The following HOOK3 variants were observed in gnomAD, a reference collection of about 807,000 sequenced individuals.
The protein encoded by HOOK3 is hook microtubule tethering protein 3, also known as protein Hook homolog 3.
A neutral mutation model predicts 116.3 loss-of-function variants in HOOK3; 24 were observed. That is an observed-to-expected ratio of 0.21 (90% CI 0.15 to 0.29). HOOK3 has a LOEUF of 0.29. Ranked by LOEUF, HOOK3 falls within the 10% of genes least tolerant of loss-of-function variation. The probability of loss-of-function intolerance (pLI) is 1.00; values close to 1 mark genes in which losing one functional copy is unlikely to be tolerated. For missense variants in HOOK3, 632 were observed against 830.2 expected, an observed-to-expected ratio of 0.76 and a Z score of 2.93; for synonymous variants, 275 against 283.0, an observed-to-expected ratio of 0.97 and a Z score of 0.28.
chr8:42,932,378 G>A lies in HOOK3; in HGVS notation c.267+2206G>A, dbSNP rs150171234. On this transcript the variant is annotated intron_variant, in intron 4 of 21. Transcript: ENST00000307602. ...AAAGTAGTTTTTAATAAAGTATTACGATAAAAAAGAATAGAAAATGTATGG... is the reference window on the plus strand; with the variant it reads ...AAAGTAGTTTTTAATAAAGTATTACAATAAAAAAGAATAGAAAATGTATGG... 1.6e-3 allele frequency among the ~76,000 whole-genome samples: 243 copies of A among 152,000 alleles called. 1 individual carries two copies. Among genetic ancestry groups the A allele is most frequent in the African/African-American group, 5.7e-3 (236 of 41,448 alleles).
intron 5 of HOOK3, among the ~76,000 whole-genome samples, chr8:42,944,683 G>T (rs896790992): frequency 5.3e-5 from 8 of 151,928 alleles, no homozygotes; most frequent in African/African-American, 1.9e-4. Flanking sequence ...GCCGGGCGCG[G>T]TGGTGGGCGC....
At chr8:42,919,909 C>G (rs1379072966) in intron 2 of HOOK3, among the ~76,000 whole-genome samples, 2 of 151,060 alleles carry the variant, frequency 1.3e-5, no homozygotes, top group African/African-American at 2.4e-5. Flanking sequence ...CCAGCCTTGG[C>G]TCGGCATCAG....
intron 19 of HOOK3, among the ~76,000 whole-genome samples, chr8:43,011,059 C>A (rs1195288941): frequency 6.6e-6 from 1 of 151,816 alleles, no homozygotes; most frequent in Non-Finnish European, 1.5e-5. Flanking sequence ...GTGGCACGAT[C>A]TTGGCTCACT....
intron 2 of HOOK3, among the ~76,000 whole-genome samples, chr8:42,924,944 G>T (rs945493114): frequency 6.6e-6 from 1 of 151,718 alleles, no homozygotes; most frequent in Non-Finnish European, 1.5e-5. Flanking sequence ...TTGCACTCCA[G>T]CCTGCCTGAG....
chr8:42,909,071 A>T (rs903276876), intron 2 of HOOK3, among the ~76,000 whole-genome samples: 1 of 152,236 alleles, frequency 6.6e-6, no homozygotes, highest in African/African-American at 2.4e-5. Context: ...CTCATCACTG[A>T]TCACCAGGGA....
At chr8:42,967,338 G>A (rs11993667) in intron 10 of HOOK3, among the ~76,000 whole-genome samples, 7,178 of 152,048 alleles carry the variant, frequency 0.047, 340 homozygotes, top group African/African-American at 0.12. Flanking sequence ...GAAAGAGGCC[G>A]TGAACTGCTG....
chr8:42,950,860 T>C (rs1808325868), intron 6 of HOOK3, among the ~76,000 whole-genome samples: 1 of 152,018 alleles, frequency 6.6e-6, no homozygotes, highest in African/African-American at 2.4e-5. Context: ...TAATTTTTTG[T>C]ATTTTTAGTA....
intron 15 of HOOK3, among the ~76,000 whole-genome samples, chr8:42,993,235 A>G (rs1809201017): frequency 6.6e-6 from 1 of 152,180 alleles, no homozygotes; most frequent in Non-Finnish European, 1.5e-5. Flanking sequence ...GGATTTTTGC[A>G]TCAATATTCA....
At chr8:42,962,500 G>A (rs1008774827) in intron 8 of HOOK3, among the ~76,000 whole-genome samples, 1 of 149,196 alleles carries the variant, frequency 6.7e-6, no homozygotes, top group Non-Finnish European at 1.5e-5. Flanking sequence ...TCGACCTCTT[G>A]GACTCGAGTG....
chr8:42,965,333 G>A (rs1004111131), intron 9 of HOOK3, among the ~76,000 whole-genome samples: 1 of 152,002 alleles, frequency 6.6e-6, no homozygotes. Context: ...ATATACGTGT[G>A]TGTGTGTGTA....
At chr8:42,909,879 T>TA (rs759806590) in intron 2 of HOOK3, among the ~76,000 whole-genome samples, 1 of 152,200 alleles carries the variant, frequency 6.6e-6, no homozygotes, top group Non-Finnish European at 1.5e-5. Context: ...ATGTGGAATC[T>TA]AAAACAATTG....
intron 21 of HOOK3, 58 bp from the exon 22 acceptor site, chr8:43,018,300 T>C (rs1809759410): frequency 6.1e-6 from 9 of 1,479,284 alleles, no homozygotes; most frequent in Non-Finnish European, 8.2e-6. Context: ...AAATTTTCTT[T>C]TGTGAAGTAT....
intron 17 of HOOK3, among the ~76,000 whole-genome samples, chr8:43,003,972 A>G (rs1809424923): frequency 1.3e-5 from 2 of 152,192 alleles, no homozygotes; most frequent in Non-Finnish European, 1.5e-5. Flanking sequence ...ACATTCATAT[A>G]TCCTAGGAGT....
At chr8:42,929,826 T>G (rs746408557) in intron 3 of HOOK3, among the ~76,000 whole-genome samples, 7 of 152,158 alleles carry the variant, frequency 4.6e-5, no homozygotes, top group Non-Finnish European at 1.0e-4. Context: ...ACAGAAAACC[T>G]AAATAATTTA....
At chr8:42,900,290 C>T (rs1388236607) in intron 1 of HOOK3, among the ~76,000 whole-genome samples, 1 of 152,122 alleles carries the variant, frequency 6.6e-6, no homozygotes, top group Non-Finnish European at 1.5e-5. Flanking sequence ...ATTTGCCCTG[C>T]CAATTACACC....
chr8:42,925,689 A>ATT (rs34821062), intron 3 of HOOK3, 60 bp downstream of exon 3: 194 of 1,104,886 alleles, frequency 1.8e-4, no homozygotes, highest in South Asian at 4.3e-4. Context: ...ATATCTGTTG[A>ATT]TTTTTTTTTG....
chr8:42,921,209 A>C (rs1807651428), intron 2 of HOOK3, among the ~76,000 whole-genome samples: 1 of 152,022 alleles, frequency 6.6e-6, no homozygotes, highest in Non-Finnish European at 1.5e-5. Flanking sequence ...AGAAACACTA[A>C]ATCTTTCAGC....
At chr8:42,965,639 T>A (rs1281129249) in intron 9 of HOOK3, among the ~76,000 whole-genome samples, 1 of 152,246 alleles carries the variant, frequency 6.6e-6, no homozygotes, top group Non-Finnish European at 1.5e-5. Flanking sequence ...AGATTTCTAG[T>A]GTTAAAACAG....
At chr8:42,950,329 T>C in intron 5 of HOOK3, 59 bp from the exon 6 acceptor site, 7 of 1,114,870 alleles carry the variant, frequency 6.3e-6, no homozygotes, top group Non-Finnish European at 9.5e-6. Context: ...GTATGAGCCT[T>C]GATTCCCTTG....
Sources: gnomAD v4.1 joint callset for allele counts (sites outside exome capture counted in the v4.1 genomes callset) on GRCh38, gnomAD v4.1.1 for gene constraint, MANE v1.5 for transcripts, NCBI Gene and HGNC (gene_info 2026-07-23, HGNC 2026-07-21) for gene names.